Variants in SGCZ observed in about 807,000 individuals in gnomAD.
SGCZ encodes sarcoglycan zeta.
In SGCZ, 40 loss-of-function variants were observed where a neutral mutation model predicts 41.3. The ratio of observed to expected loss-of-function variants is 0.97; its 90% CI spans 0.75 to 1.26. The LOEUF (loss-of-function observed/expected upper bound fraction) is 1.26. SGCZ is among the 50% of genes most tolerant of loss of function. The probability of loss-of-function intolerance (pLI) is 0.00; values close to 1 mark genes in which losing one functional copy is unlikely to be tolerated. For missense variants in SGCZ, 552 were observed against 369.8 expected (o/e 1.49, Z -4.04); for synonymous variants, 206 against 137.5 (o/e 1.50, Z -3.49).
At chr8:14,753,032 T>C (rs1011687708) in intron 1 of SGCZ, among the ~76,000 whole-genome samples, 3 of 152,016 alleles carry the variant, frequency 2.0e-5, no homozygotes. Flanking sequence ...ACTGTAATTT[T>C]CATTCTATGG....
chr8:14,782,062 A>C lies in SGCZ; in HGVS notation c.40-227136T>G, dbSNP rs542646746. ...AGAAATTTGGGTGACAAACTTGTAC[A>C]ATGTCCTTTTGATACCGATGTATTT... On this transcript the variant is annotated intron_variant, in intron 1 of 7. Coordinates refer to ENST00000382080, the MANE Select transcript of SGCZ (RefSeq NM_139167.4). Among the ~76,000 whole-genome samples, 11 of 152,270 alleles carry C rather than the reference A, an allele frequency of 7.2e-5. No individual in the cohort carries two copies. The East Asian group carries it at 1.7e-3, about 24-fold the overall frequency.
chr8:15,161,454 A>C (rs1299628425), intron 1 of SGCZ, among the ~76,000 whole-genome samples: 1 of 152,048 alleles, frequency 6.6e-6, no homozygotes, highest in African/African-American at 2.4e-5. Flanking sequence ...ATTTTTCACC[A>C]TCAGGATGTC....
chr8:15,103,283 C>T (rs1316061633), intron 1 of SGCZ, among the ~76,000 whole-genome samples: 3 of 152,074 alleles, frequency 2.0e-5, no homozygotes, highest in Admixed American at 6.6e-5. Context: ...TGCCTGTATA[C>T]CCAGCTACTG....
intron 1 of SGCZ, among the ~76,000 whole-genome samples, chr8:14,615,974 G>C (rs891665068): frequency 1.6e-4 from 24 of 151,996 alleles, no homozygotes; most frequent in African/African-American, 5.6e-4. Flanking sequence ...CTCACTAATG[G>C]GTCATGATTG....
chr8:14,907,075 T>C (rs1799138587), intron 1 of SGCZ, among the ~76,000 whole-genome samples: 1 of 152,212 alleles, frequency 6.6e-6, no homozygotes, highest in African/African-American at 2.4e-5. Context: ...GCTAGTTTTA[T>C]GCATGTCACT....
intron 1 of SGCZ, chr8:14,853,603 A>C: frequency 2.4e-6 from 1 of 419,476 alleles, no homozygotes; most frequent in Non-Finnish European, 5.1e-6. Context: ...TCAGTCACTG[A>C]AGTGGTTTGC....
chr8:14,332,398 G>T (rs868043049), intron 2 of SGCZ, among the ~76,000 whole-genome samples: 1 of 152,014 alleles, frequency 6.6e-6, no homozygotes, highest in African/African-American at 2.4e-5. Context: ...CCGAGATCGC[G>T]CCACTGCACT....
At chr8:14,221,575 T>C (rs1806195203) in intron 4 of SGCZ, among the ~76,000 whole-genome samples, 1 of 152,200 alleles carries the variant, frequency 6.6e-6, no homozygotes, top group South Asian at 2.1e-4. Context: ...TATACATGGA[T>C]TGTTTGAATT....
At chr8:14,822,475 C>CA (rs1420266242) in intron 1 of SGCZ, among the ~76,000 whole-genome samples, 2 of 151,864 alleles carry the variant, frequency 1.3e-5, no homozygotes, top group Non-Finnish European at 2.9e-5. Context: ...TTCACAGAAA[C>CA]AAAAAAGAAA....
Position 14,526,528 on chromosome 8 carries a change from T to C in SGCZ, c.234+28204A>G, listed in dbSNP as rs17119646. On this transcript the variant is annotated intron_variant, in intron 2 of 7. Coordinates refer to ENST00000382080, the MANE Select transcript of SGCZ (RefSeq NM_139167.4). ...AATGTTTTCAAAGTTAAAGCACACA[T>C]TGTATACTCCTTCTTTGATTATATT... 2.3e-4 allele frequency among the ~76,000 whole-genome samples: 35 copies of C among 152,190 alleles called. No homozygotes were observed. In the East Asian group the frequency reaches 6.0e-3, roughly 26 times the overall value.
At chr8:15,011,777 T>G (rs1386928778) in intron 1 of SGCZ, among the ~76,000 whole-genome samples, 1 of 152,210 alleles carries the variant, frequency 6.6e-6, no homozygotes, top group Non-Finnish European at 1.5e-5. Context: ...AAATGTTTAT[T>G]GTATGAACTT....
intron 1 of SGCZ, among the ~76,000 whole-genome samples, chr8:14,838,510 C>T (rs571547596): frequency 1.3e-5 from 2 of 152,274 alleles, no homozygotes; most frequent in South Asian, 2.1e-4. Flanking sequence ...TACCATACAA[C>T]TAGGTAGCAG....
intron 1 of SGCZ, among the ~76,000 whole-genome samples, chr8:15,136,448 T>C (rs1808108023): frequency 6.6e-6 from 1 of 151,446 alleles, no homozygotes; most frequent in Admixed American, 6.6e-5. Context: ...TAGGAGAGAC[T>C]GTGGGGAGGT....
intron 1 of SGCZ, among the ~76,000 whole-genome samples, chr8:15,042,769 T>A (rs191895232): frequency 2.0e-5 from 3 of 152,230 alleles, no homozygotes; most frequent in African/African-American, 7.2e-5. Context: ...CAAAATTCTG[T>A]TTAGTATTAC....
chr8:14,539,731 G>T (rs1803402106), intron 2 of SGCZ, among the ~76,000 whole-genome samples: 1 of 149,028 alleles, frequency 6.7e-6, no homozygotes, highest in East Asian at 2.0e-4. Flanking sequence ...AGTGTGTGTT[G>T]TTCCCCTCTA....
intron 2 of SGCZ, among the ~76,000 whole-genome samples, chr8:14,366,622 A>C (rs574863122): frequency 7.9e-5 from 12 of 152,204 alleles, no homozygotes; most frequent in African/African-American, 2.9e-4. Flanking sequence ...AAATCATTTC[A>C]GCATTCACAC....
At chr8:15,209,754 G>C (rs1476502553) in intron 1 of SGCZ, among the ~76,000 whole-genome samples, 1 of 133,864 alleles carries the variant, frequency 7.5e-6, no homozygotes, top group African/African-American at 2.7e-5. Flanking sequence ...ACAGATACCA[G>C]TAGTTGCCTT....
At chr8:14,825,999 A>G (rs1287826705) in intron 1 of SGCZ, among the ~76,000 whole-genome samples, 1 of 152,018 alleles carries the variant, frequency 6.6e-6, no homozygotes, top group Non-Finnish European at 1.5e-5. Context: ...CAGGTTTGTT[A>G]CATATGTATA....
rs139730299 is a variant in SGCZ, at chr8:14,457,275, C to T, written c.234+97457G>A. Among the ~76,000 whole-genome samples, 717 of 152,242 alleles carry T rather than the reference C, an allele frequency of 4.7e-3. 6 individuals are homozygous for T. Among genetic ancestry groups the T allele is most frequent in the South Asian group, 0.018 (87 of 4,822 alleles). On this transcript the variant is annotated intron_variant, in intron 2 of 7. Transcript: ENST00000382080. Reference sequence around the variant, plus strand: ...AGTGAGGTGTAACTAGAAAAGAGTGCGAGCCTTCTGTTATGCCCACACAGG... The same window carrying T: ...AGTGAGGTGTAACTAGAAAAGAGTGTGAGCCTTCTGTTATGCCCACACAGG...
Sources: allele counts gnomAD v4.1 joint callset (sites outside exome capture counted in the v4.1 genomes callset), GRCh38; gene constraint gnomAD v4.1.1; transcripts MANE v1.5; gene names NCBI Gene and HGNC (gene_info 2026-07-23, HGNC 2026-07-21).